Variants in FREM1 observed in about 807,000 individuals in gnomAD.
The protein encoded by FREM1 is FRAS1 related extracellular matrix 1.
A neutral mutation model predicts 210.1 loss-of-function variants in FREM1; 220 were observed. That is an observed-to-expected ratio of 1.05 (90% CI 0.94 to 1.17). The LOEUF is 1.17. FREM1 is among the 50% of genes most tolerant of loss of function. The probability of loss-of-function intolerance (pLI) is 0.00; values close to 1 mark genes in which losing one functional copy is unlikely to be tolerated. For missense variants in FREM1, 3,454 were observed against 2,675.5 expected (o/e 1.29, Z -6.42); for synonymous variants, 1,189 against 980.2 (o/e 1.21, Z -3.98).
chr9:14,855,322 T>G (rs894440453), intron 5 of FREM1, among the ~76,000 whole-genome samples: 11 of 152,112 alleles, frequency 7.2e-5, no homozygotes, highest in African/African-American at 2.7e-4. Flanking sequence ...TGAATAGTGT[T>G]GAAAATTTGG....
At chr9:14,787,730 G>A (rs948644187) in intron 23 of FREM1, among the ~76,000 whole-genome samples, 1 of 152,172 alleles carries the variant, frequency 6.6e-6, no homozygotes, top group Non-Finnish European at 1.5e-5. Context: ...GTGTTGTGCT[G>A]AGCCAATGAG....
intron 10 of FREM1, among the ~76,000 whole-genome samples, chr9:14,829,208 G>A (rs569212070): frequency 1.3e-5 from 2 of 152,144 alleles, no homozygotes; most frequent in African/African-American, 4.8e-5. Flanking sequence ...TACACTTACA[G>A]GTTGGTATCA....
At chr9:14,868,041 T>C (rs1210537689) in intron 2 of FREM1, among the ~76,000 whole-genome samples, 1 of 152,208 alleles carries the variant, frequency 6.6e-6, no homozygotes, top group African/African-American at 2.4e-5. Context: ...AAGCAGATAA[T>C]TTCAAAGAAC....
At position 14,811,246 on chromosome 9, in the gene FREM1, T is replaced by A. The variant is rs944244244; in HGVS notation, c.2893+1566A>T. Among the ~76,000 whole-genome samples the A allele has an allele frequency of 3.9e-5, 6 of 152,160 alleles. No individual in the cohort carries two copies. The East Asian group carries it at 5.8e-4, about 15-fold the overall frequency. On this transcript the variant is annotated intron_variant, in intron 16 of 36. Transcript: ENST00000380880. ...CCCAATGTCCTACTGGGTTTTATTT[T>A]AAAAAAAATTAGTTAATAGTCCCGT... is the stretch of plus-strand genomic sequence containing the variant.
intron 10 of FREM1, among the ~76,000 whole-genome samples, chr9:14,830,217 A>G (rs1823288650): frequency 6.6e-6 from 1 of 152,222 alleles, no homozygotes; most frequent in South Asian, 2.1e-4. Context: ...AGAAAGTCAG[A>G]TACCAGCTGG....
chr9:14,825,561 A>ACATATATATATATATATATATG (rs1554685340), intron 10 of FREM1, among the ~76,000 whole-genome samples: 4 of 129,256 alleles, frequency 3.1e-5, no homozygotes, highest in Admixed American at 7.9e-5. Flanking sequence ...ATATATATAT[A>ACATATATATATATATATATATG]TATATATATA....
intron 1 of FREM1, among the ~76,000 whole-genome samples, chr9:14,896,750 T>C (rs1185974851): frequency 6.6e-6 from 1 of 152,176 alleles, no homozygotes; most frequent in South Asian, 2.1e-4. Context: ...GTATTCGCTG[T>C]GATAGCATAG....
chr9:14,780,322 G>C (rs1849442622), intron 24 of FREM1, among the ~76,000 whole-genome samples: 1 of 151,456 alleles, frequency 6.6e-6, no homozygotes, highest in Admixed American at 6.6e-5. Context: ...CCATTACCAC[G>C]GTGCTTTCAA....
chr9:14,821,310 A>G (rs939145988), intron 13 of FREM1, among the ~76,000 whole-genome samples: 1 of 151,874 alleles, frequency 6.6e-6, no homozygotes, highest in Admixed American at 6.6e-5. Flanking sequence ...AAGAGAAGCT[A>G]CCCTGCCATT....
chr9:14,795,626 T>C (rs187368259), intron 21 of FREM1, among the ~76,000 whole-genome samples: 5 of 152,298 alleles, frequency 3.3e-5, no homozygotes, highest in African/African-American at 1.2e-4. Context: ...GATGATTCTG[T>C]AGATGTAGCT....
At chr9:14,835,733 C>T (rs1472369223) in intron 10 of FREM1, among the ~76,000 whole-genome samples, 1 of 152,174 alleles carries the variant, frequency 6.6e-6, no homozygotes, top group African/African-American at 2.4e-5. Context: ...ATCCAAAAGG[C>T]CTATGTAAAA....
intron 1 of FREM1, among the ~76,000 whole-genome samples, chr9:14,873,433 C>T (rs201506283): frequency 3.3e-5 from 5 of 152,194 alleles, no homozygotes; most frequent in East Asian, 1.9e-4. Flanking sequence ...TCCATTTCTT[C>T]GATATTTTCT....
intron 19 of FREM1, among the ~76,000 whole-genome samples, chr9:14,804,040 T>C (rs1183516831): frequency 1.3e-5 from 2 of 152,162 alleles, no homozygotes; most frequent in African/African-American, 2.4e-5. Context: ...TCAATATACA[T>C]AAAATGCCAA....
intron 1 of FREM1, among the ~76,000 whole-genome samples, chr9:14,899,346 G>T (rs553787538): frequency 6.6e-6 from 1 of 152,320 alleles, no homozygotes; most frequent in South Asian, 2.1e-4. Flanking sequence ...ATGGCATTAA[G>T]AAAAGCCAAA....
intron 8 of FREM1, among the ~76,000 whole-genome samples, chr9:14,843,599 C>T (rs1826072659): frequency 6.6e-6 from 1 of 152,182 alleles, no homozygotes; most frequent in Non-Finnish European, 1.5e-5. Flanking sequence ...AATACAAATA[C>T]TTACCTCATA....
intron 12 of FREM1, 57 bp from the exon 13 acceptor site, chr9:14,823,384 T>G: frequency 6.7e-7 from 1 of 1,492,274 alleles, no homozygotes; most frequent in Non-Finnish European, 9.2e-7. Context: ...TCAAAAGCTT[T>G]TAGAGGTCCA....
chr9:14,799,545 G>C (rs576502823), intron 20 of FREM1, among the ~76,000 whole-genome samples: 1 of 151,690 alleles, frequency 6.6e-6, no homozygotes, highest in Non-Finnish European at 1.5e-5. Flanking sequence ...TGTACACAAT[G>C]ATCATATAAT....
chr9:14,810,779 T>C (rs968879703), intron 16 of FREM1, among the ~76,000 whole-genome samples: 1 of 152,216 alleles, frequency 6.6e-6, no homozygotes, highest in Non-Finnish European at 1.5e-5. Context: ...ATTGCAACTA[T>C]GTTAAAATTA....
intron 16 of FREM1, among the ~76,000 whole-genome samples, chr9:14,809,099 C>G (rs1360938752): frequency 6.6e-6 from 1 of 152,156 alleles, no homozygotes; most frequent in Non-Finnish European, 1.5e-5. Flanking sequence ...CTTTCCTGCG[C>G]TTTTCTCATG....
Sources: allele counts gnomAD v4.1 joint callset (sites outside exome capture counted in the v4.1 genomes callset), GRCh38; gene constraint gnomAD v4.1.1; transcripts MANE v1.5; gene names NCBI Gene and HGNC (gene_info 2026-07-23, HGNC 2026-07-21).